CIT: variants seen among roughly 807,000 people sequenced by gnomAD.
The protein encoded by CIT is citron Rho-interacting kinase.
CIT carries 79 observed loss-of-function variants against 272.7 expected under a neutral mutation model. The ratio of observed to expected loss-of-function variants is 0.29; its 90% confidence interval spans 0.24 to 0.35. The LOEUF (loss-of-function observed/expected upper bound fraction) is 0.35. Ranked by LOEUF, CIT falls within the 10% of genes least tolerant of loss-of-function variation. The probability of loss-of-function intolerance (pLI) is 1.00; values close to 1 mark genes in which losing one functional copy is unlikely to be tolerated. For synonymous variants in CIT, 948 were observed against 995.6 expected (o/e 0.95, Z 0.90); for missense variants, 1,909 against 2,618.3 (o/e 0.73, Z 5.91).
chr12:119,744,499 G>A (rs1959180493), intron 23 of CIT, among the ~76,000 whole-genome samples: 1 of 151,772 alleles, frequency 6.6e-6, no homozygotes, highest in Non-Finnish European at 1.5e-5. Flanking sequence ...GAGGCGGGCA[G>A]ATCATGAGGT....
At chr12:119,863,200 T>TAAAA (rs1950412908) in intron 3 of CIT, among the ~76,000 whole-genome samples, 1 of 46,626 alleles carries the variant, frequency 2.1e-5, no homozygotes, top group Admixed American at 2.5e-4. Flanking sequence ...AGACTCTGTA[T>TAAAA]CAAAAAAAAA....
intron 4 of CIT, among the ~76,000 whole-genome samples, chr12:119,854,061 CTT>C (rs1970412705): frequency 6.6e-6 from 1 of 151,396 alleles, no homozygotes; most frequent in African/African-American, 2.4e-5. Flanking sequence ...AGTGTTCGCT[CTT>C]GTTGCCCAGG....
intron 43 of CIT, 97 bp from the exon 44 acceptor site, chr12:119,700,922 G>C: frequency 1.0e-6 from 1 of 974,228 alleles, no homozygotes; most frequent in Non-Finnish European, 1.6e-6. Flanking sequence ...AGAGCCCAGG[G>C]ACCCCTGGCC....
At position 119,736,269 on chromosome 12, in the gene CIT, G is replaced by A. The variant is rs145014900; in HGVS notation, c.2959-912C>T. ...AAGAAGGAAATTAAAAGGAAATGCC[G>A]TTAAGCCTACAGTTATTAATTGTTT... On this transcript the variant is annotated intron_variant, in intron 24 of 47. Coordinates refer to ENST00000392521, the MANE Select transcript of CIT (RefSeq NM_001206999.2). 9.0e-3 allele frequency among the ~76,000 whole-genome samples: 1,363 copies of A among 152,246 alleles called. 21 individuals carry two copies. The highest frequency in any genetic ancestry group is 9.7e-3 in the Non-Finnish European group (661 of 68,016).
chr12:119,790,287 C>T (rs186133139), intron 10 of CIT, among the ~76,000 whole-genome samples: 25 of 152,094 alleles, frequency 1.6e-4, no homozygotes, highest in African/African-American at 5.8e-4. Flanking sequence ...CAAATTATCC[C>T]GAAAAGTACC....
At chr12:119,807,966 T>C (rs142542233) in intron 9 of CIT, among the ~76,000 whole-genome samples, 9 of 152,212 alleles carry the variant, frequency 5.9e-5, no homozygotes, top group Admixed American at 5.9e-4. Context: ...TGAGGTAACA[T>C]CAGAACACAG....
chr12:119,842,884 C>T (rs1969503341), intron 5 of CIT, among the ~76,000 whole-genome samples: 1 of 152,160 alleles, frequency 6.6e-6, no homozygotes, highest in South Asian at 2.1e-4. Context: ...ATTAATCACA[C>T]ATTCATCCAA....
At chr12:119,760,883 T>C in intron 20 of CIT, 56 bp downstream of exon 20, 2 of 1,089,912 alleles carry the variant, frequency 1.8e-6, no homozygotes, top group Non-Finnish European at 2.8e-6. Context: ...GGGTGATTCT[T>C]GGCATATTTC....
intron 10 of CIT, among the ~76,000 whole-genome samples, chr12:119,798,558 G>T (rs959635962): frequency 6.6e-6 from 1 of 152,146 alleles, no homozygotes; most frequent in African/African-American, 2.4e-5. Flanking sequence ...ATGGGCTGTT[G>T]TTAGCACCCT....
chr12:119,835,832 C>T (rs1354409357), intron 5 of CIT, among the ~76,000 whole-genome samples: 3 of 152,138 alleles, frequency 2.0e-5, no homozygotes, highest in Non-Finnish European at 4.4e-5. Context: ...AAACCAGAGA[C>T]CCCTGGAGAA....
At chr12:119,793,748 C>T (rs952940410) in intron 10 of CIT, among the ~76,000 whole-genome samples, 1 of 152,242 alleles carries the variant, frequency 6.6e-6, no homozygotes, top group Non-Finnish European at 1.5e-5. Context: ...GAAGAATGCA[C>T]TCTGTGTGGG....
At chr12:119,703,245 A>C (rs1264867029) in intron 41 of CIT, among the ~76,000 whole-genome samples, 1 of 152,150 alleles carries the variant, frequency 6.6e-6, no homozygotes, top group African/African-American at 2.4e-5. Flanking sequence ...AAAATTGGGA[A>C]TAACTGTCTC....
At chr12:119,825,091 C>T (rs1311772775) in intron 8 of CIT, 74 bp downstream of exon 8, 17 of 1,368,850 alleles carry the variant, frequency 1.2e-5, no homozygotes, top group African/African-American at 4.3e-5. Context: ...TGAGCCACCA[C>T]GCCCAGCCTC....
chr12:119,689,398 A>G (rs968975056), intron 47 of CIT, among the ~76,000 whole-genome samples: 4 of 152,028 alleles, frequency 2.6e-5, no homozygotes, highest in African/African-American at 7.2e-5. Context: ...AGAAAAAAAA[A>G]AAAAGAAAAG....
At chr12:119,829,764 G>A (rs1410149186) in intron 7 of CIT, among the ~76,000 whole-genome samples, 1 of 152,124 alleles carries the variant, frequency 6.6e-6, no homozygotes, top group Non-Finnish European at 1.5e-5. Context: ...GAGTCACTAG[G>A]CCCTGTGTTT....
At chr12:119,869,412 A>T (rs1054732924) in intron 2 of CIT, among the ~76,000 whole-genome samples, 4 of 152,184 alleles carry the variant, frequency 2.6e-5, no homozygotes, top group African/African-American at 9.7e-5. Flanking sequence ...GGTTTCTTTC[A>T]CCAGCACCTG....
At chr12:119,772,698 T>C in intron 17 of CIT, 72 bp downstream of exon 17, 1 of 1,460,772 alleles carries the variant, frequency 6.8e-7, no homozygotes, top group Non-Finnish European at 9.1e-7. Context: ...AGTGATGGTC[T>C]GGCAGTTTCT....
At chr12:119,714,082 G>T in intron 33 of CIT, 115 bp downstream of exon 33, 1 of 1,219,916 alleles carries the variant, frequency 8.2e-7, no homozygotes, top group Non-Finnish European at 1.1e-6. Flanking sequence ...GAAGTAAGAA[G>T]CTCGAAAATG....
intron 13 of CIT, among the ~76,000 whole-genome samples, chr12:119,777,319 C>G (rs1462919899): frequency 1.3e-5 from 2 of 151,392 alleles, no homozygotes; most frequent in African/African-American, 4.9e-5. Flanking sequence ...AATGAGGCAC[C>G]AAGTAGGCAA....
Sources: allele counts gnomAD v4.1 joint callset (sites outside exome capture counted in the v4.1 genomes callset), GRCh38; gene constraint gnomAD v4.1.1; transcripts MANE v1.5; gene names NCBI Gene and HGNC (gene_info 2026-07-23, HGNC 2026-07-21).